Variants in BNIP1 observed in about 807,000 individuals in gnomAD.
BNIP1 encodes the protein BCL2 interacting protein 1, also known as vesicle transport protein SEC20.
In BNIP1, 25 loss-of-function variants were observed where a neutral mutation model predicts 28.5. The ratio of observed to expected loss-of-function variants is 0.88; its 90% confidence interval spans 0.64 to 1.23. The LOEUF (loss-of-function observed/expected upper bound fraction) is 1.23, where lower values mean the gene tolerates loss of function less well. BNIP1 is among the 50% of genes most tolerant of loss of function. BNIP1 has a pLI of 0.00. For missense variants in BNIP1, 276 were observed against 277.0 expected, an observed-to-expected ratio of 1.00 and a Z score of 0.02; for synonymous variants, 118 against 101.7, an observed-to-expected ratio of 1.16 and a Z score of -0.96.
Position 173,159,975 on chromosome 5 carries a change from C to T in BNIP1, c.414C>T (p.Ile138=). 1 of 1,614,158 alleles carries T rather than the reference C, an allele frequency of 6.2e-7. No homozygotes were observed. Among genetic ancestry groups the T allele is most frequent in the Non-Finnish European group, 8.5e-7 (1 of 1,180,014 alleles). ...KESLAQTSST[I]TESLMGISRM... Reference sequence around the variant, plus strand: ...GCCTGGCCCAGACATCCAGTACCATCACTGAGAGCCTCATGGGGATCAGCA... The same window carrying T: ...GCCTGGCCCAGACATCCAGTACCATTACTGAGAGCCTCATGGGGATCAGCA... The change falls in exon 5 of 6, where the codon ATC becomes ATT. Residue 138 remains isoleucine (I), a synonymous_variant. Transcript: ENST00000351486.
intron 2 of BNIP1, chr5:173,151,430 C>T: frequency 2.2e-6 from 2 of 896,518 alleles, no homozygotes; most frequent in Admixed American, 2.9e-5. Flanking sequence ...CCATGTTGCT[C>T]AGGCTGGACT....
intron 3 of BNIP1, 146 bp from the exon 4 acceptor site, chr5:173,158,598 G>A (rs905380450): frequency 2.1e-5 from 13 of 613,156 alleles, no homozygotes; most frequent in Admixed American, 6.7e-5. Context: ...ACCAGGAGGC[G>A]GAAGTGGCAG....
chr5:173,146,126 C>T (rs552776054), intron 1 of BNIP1, among the ~76,000 whole-genome samples: 2 of 152,304 alleles, frequency 1.3e-5, no homozygotes, highest in Non-Finnish European at 2.9e-5. Flanking sequence ...GGATGTATTG[C>T]GTTCTTACCG....
At chr5:173,151,842 T>TG in intron 2 of BNIP1, 1 of 1,177,396 alleles carries the variant, frequency 8.5e-7, no homozygotes, top group Non-Finnish European at 1.1e-6. Context: ...GGCCAGTAAA[T>TG]GAATAACCCC....
chr5:173,146,285 A>G (rs1420995774), intron 1 of BNIP1, among the ~76,000 whole-genome samples: 2 of 152,254 alleles, frequency 1.3e-5, no homozygotes, highest in Non-Finnish European at 2.9e-5. Flanking sequence ...TGCTACAGCC[A>G]GGATTCGAAT....
At chr5:173,160,534 C>CGTAT (rs1760333806) in intron 5 of BNIP1, among the ~76,000 whole-genome samples, 1 of 152,048 alleles carries the variant, frequency 6.6e-6, no homozygotes. Context: ...ACGCCCGGCC[C>CGTAT]GTATTTCTGT....
intron 3 of BNIP1, among the ~76,000 whole-genome samples, chr5:173,158,327 G>C (rs5745156): frequency 6.6e-6 from 1 of 152,188 alleles, no homozygotes; most frequent in Non-Finnish European, 1.5e-5. Context: ...ATGGTTCTCC[G>C]GGGATGGTAC....
intron 2 of BNIP1, 133 bp downstream of exon 2, chr5:173,147,091 T>C (rs1759861034): frequency 1.5e-6 from 1 of 653,326 alleles, no homozygotes; most frequent in Non-Finnish European, 2.6e-6. Flanking sequence ...GACTCTGTAC[T>C]AACCTGCTCT....
chr5:173,160,184 G>A, intron 5 of BNIP1, 133 bp downstream of exon 5: 1 of 735,788 alleles, frequency 1.4e-6, no homozygotes, highest in Non-Finnish European at 2.3e-6. Context: ...TCTCCCTCAT[G>A]AGATGACTTG....
intron 2 of BNIP1, among the ~76,000 whole-genome samples, chr5:173,149,925 G>T (rs1387746437): frequency 1.3e-5 from 2 of 152,164 alleles, no homozygotes; most frequent in Non-Finnish European, 2.9e-5. Context: ...CATGAGATTT[G>T]GGCAGGGACA....
intron 2 of BNIP1, among the ~76,000 whole-genome samples, chr5:173,150,530 C>T (rs545162504): frequency 6.6e-6 from 1 of 152,110 alleles, no homozygotes; most frequent in East Asian, 1.9e-4. Context: ...TCTCTTCCTG[C>T]CTTCATCTCC....
chr5:173,144,614 G>A lies in BNIP1; in HGVS notation c.69G>A (p.Val23=), dbSNP rs1418192302. Residue 23 remains valine, a synonymous_variant, in exon 1 of 6, where the codon GTG becomes GTA. Transcript: ENST00000351486. ...NQEIVKFDLE[V]KALIQDIRDC... is the part of the protein sequence containing the mutation. ...AGATTGTCAAATTTGACCTGGAGGT[G>A]AAGGCGCTTATTCAGGTACTGATCC... 1.2e-6 allele frequency: 2 copies of A among 1,614,200 alleles called. No homozygotes were observed. The highest frequency in any genetic ancestry group is 8.5e-7 in the Non-Finnish European group (1 of 1,180,018).
At chr5:173,151,877 TAAGTA>T (rs1479670625) in intron 2 of BNIP1, among the ~76,000 whole-genome samples, 1 of 152,254 alleles carries the variant, frequency 6.6e-6, no homozygotes, top group African/African-American at 2.4e-5. Context: ...CTGCGTTTCT[TAAGTA>T]TTTACATACT....
At chr5:173,146,794 A>G (rs1364400259) in intron 1 of BNIP1, 72 bp from the exon 2 acceptor site, 9 of 1,179,384 alleles carry the variant, frequency 7.6e-6, no homozygotes, top group South Asian at 1.3e-5. Context: ...AACCAACTCT[A>G]TCACTGTATG....
chr5:173,149,529 C>T (rs938586340), intron 2 of BNIP1, among the ~76,000 whole-genome samples: 16 of 152,206 alleles, frequency 1.1e-4, no homozygotes, highest in Admixed American at 6.5e-4. Context: ...CACAGCCAAA[C>T]CATATCACCA....
At chr5:173,149,328 A>G (rs1759951167) in intron 2 of BNIP1, among the ~76,000 whole-genome samples, 1 of 152,176 alleles carries the variant, frequency 6.6e-6, no homozygotes, top group African/African-American at 2.4e-5. Context: ...TCTTATATGG[A>G]TGGCAGCAGG....
intron 3 of BNIP1, among the ~76,000 whole-genome samples, chr5:173,155,871 G>A (rs1760172356): frequency 6.6e-6 from 1 of 151,928 alleles, no homozygotes; most frequent in Admixed American, 6.6e-5. Flanking sequence ...ACACTCCACC[G>A]TGCCTGGCTA....
intron 5 of BNIP1, among the ~76,000 whole-genome samples, chr5:173,163,427 A>G (rs1760419493): frequency 6.6e-6 from 1 of 152,170 alleles, no homozygotes; most frequent in Middle Eastern, 3.2e-3. Context: ...AGCAGCGTCC[A>G]TCTGCTTCAG....
rs1300746842 is a variant in BNIP1 at position 173,148,111 on chromosome 5, T to A, written c.177+1153T>A. On this transcript the variant is annotated intron_variant, in intron 2 of 5. Coordinates refer to ENST00000351486, the MANE Select transcript of BNIP1 (RefSeq NM_001205.3). ...ATATATATATATATATATATATATATATATATATATATATATATATATATA... is the reference window on the plus strand; with the variant it reads ...ATATATATATATATATATATATATAAATATATATATATATATATATATATA... Among the ~76,000 whole-genome samples the A allele has an allele frequency of 2.9e-3, 229 of 77,656 alleles. 17 individuals are homozygous for A. The highest frequency in any genetic ancestry group is 9.5e-3 in the African/African-American group (190 of 19,974). 50.9% of individuals were successfully genotyped at this position (77,656 alleles called of 152,430 possible). A position where few individuals can be genotyped will look rare whatever the true frequency, so the allele number is the denominator to read the frequency against.
Sources: allele counts gnomAD v4.1 joint callset (sites outside exome capture counted in the v4.1 genomes callset), GRCh38; gene constraint gnomAD v4.1.1; transcripts MANE v1.5; gene names NCBI Gene and HGNC (gene_info 2026-07-23, HGNC 2026-07-21).